The following RNF130 variants were observed in gnomAD, a reference collection of about 807,000 sequenced individuals.
The protein encoded by RNF130 is ring finger protein 130, also known as E3 ubiquitin-protein ligase RNF130.
In RNF130, 21 loss-of-function variants were observed where a neutral mutation model predicts 44.6. That is an observed-to-expected ratio of 0.47 (90% CI 0.33 to 0.68). The LOEUF (loss-of-function observed/expected upper bound fraction) is 0.68, where lower values mean the gene tolerates loss of function less well. Among genes scored for constraint, RNF130 ranks in the 30% least tolerant of loss-of-function variants. RNF130 has a pLI of 0.02. For synonymous variants in RNF130, 214 were observed against 210.4 expected, an observed-to-expected ratio of 1.02 and a Z score of -0.15; for missense variants, 479 against 560.6, an observed-to-expected ratio of 0.85 and a Z score of 1.47.
At chr5:180,041,020 T>C (rs1251109459) in intron 1 of RNF130, among the ~76,000 whole-genome samples, 2 of 152,154 alleles carry the variant, frequency 1.3e-5, no homozygotes, top group Non-Finnish European at 2.9e-5. Context: ...CTCTTACTCA[T>C]TCCTGTTCAT....
At chr5:179,933,897 A>G in intron 7 of RNF130, 1 of 648,902 alleles carries the variant, frequency 1.5e-6, no homozygotes, top group South Asian at 1.5e-5. Context: ...AGTAAAATGA[A>G]TCCAAACTGT....
At chr5:180,034,223 C>T (rs1232626675) in intron 2 of RNF130, among the ~76,000 whole-genome samples, 1 of 150,400 alleles carries the variant, frequency 6.6e-6, no homozygotes, top group African/African-American at 2.4e-5. Context: ...AACCATATAT[C>T]CCATTCCTGG....
chr5:179,999,654 T>C, intron 3 of RNF130, among the ~76,000 whole-genome samples: 1 of 152,116 alleles, frequency 6.6e-6, no homozygotes, highest in East Asian at 1.9e-4. Flanking sequence ...GAGGCGAAGG[T>C]TGCAGTGAGC....
intron 5 of RNF130, among the ~76,000 whole-genome samples, chr5:179,971,281 C>A (rs1762577469): frequency 6.6e-6 from 1 of 152,166 alleles, no homozygotes; most frequent in Admixed American, 6.5e-5. Context: ...GAGTCCTGGC[C>A]AAACAGGGAG....
At chr5:179,933,916 G>T (rs893119043) in intron 7 of RNF130, 3 of 582,842 alleles carry the variant, frequency 5.1e-6, no homozygotes, top group Non-Finnish European at 9.4e-6. Context: ...GTCAGAATGG[G>T]AGCAGACTGT....
At chr5:179,959,994 C>G (rs2113697030) in intron 8 of RNF130, among the ~76,000 whole-genome samples, 1 of 152,272 alleles carries the variant, frequency 6.6e-6, no homozygotes, top group South Asian at 2.1e-4. Flanking sequence ...GATACCTAGT[C>G]ACGCCTCCCA....
chr5:179,917,073 C>T (rs928830918), exon 8 of RNF130: 1 of 152,190 alleles, frequency 6.6e-6, no homozygotes, highest in Non-Finnish European at 1.5e-5. Flanking sequence ...TGCCTGTAGT[C>T]CCAGCTGCTC....
At chr5:179,956,438 TA>T (rs1038992210) in intron 8 of RNF130, 1 of 152,586 alleles carries the variant, frequency 6.6e-6, no homozygotes, top group African/African-American at 2.4e-5. Flanking sequence ...TATTTTTACC[TA>T]ATCTATCTTC....
At chr5:180,024,993 G>C (rs1400376608) in intron 2 of RNF130, among the ~76,000 whole-genome samples, 1 of 152,196 alleles carries the variant, frequency 6.6e-6, no homozygotes, top group African/African-American at 2.4e-5. Flanking sequence ...CCTGGGAGGT[G>C]AAACACTCTG....
intron 2 of RNF130, among the ~76,000 whole-genome samples, chr5:180,026,736 T>C (rs574015010): frequency 1.3e-5 from 2 of 152,352 alleles, no homozygotes; most frequent in South Asian, 4.1e-4. Context: ...AACATAGCCT[T>C]AAATGAAAAG....
At chr5:180,003,222 A>G (rs1420380859) in intron 3 of RNF130, among the ~76,000 whole-genome samples, 1 of 152,076 alleles carries the variant, frequency 6.6e-6, no homozygotes, top group African/African-American at 2.4e-5. Flanking sequence ...AGGCACGAAG[A>G]GGGGGGTTTG....
At chr5:180,040,969 G>A (rs1266702920) in intron 1 of RNF130, among the ~76,000 whole-genome samples, 1 of 152,186 alleles carries the variant, frequency 6.6e-6, no homozygotes, top group African/African-American at 2.4e-5. Context: ...GGCCAACACA[G>A]ACGAGAAACC....
intron 2 of RNF130, among the ~76,000 whole-genome samples, chr5:180,020,323 C>T (rs1038746179): frequency 7.9e-5 from 12 of 152,146 alleles, no homozygotes; most frequent in Non-Finnish European, 1.3e-4. Context: ...CACGTGACTA[C>T]GGAGAGGAAG....
At chr5:180,045,257 C>T (rs1764530644) in intron 1 of RNF130, among the ~76,000 whole-genome samples, 1 of 152,182 alleles carries the variant, frequency 6.6e-6, no homozygotes, top group South Asian at 2.1e-4. Context: ...CTATTCCACA[C>T]CCCACTGTGT....
intron 3 of RNF130, among the ~76,000 whole-genome samples, chr5:180,010,284 T>C (rs1236861752): frequency 7.3e-6 from 1 of 136,420 alleles, no homozygotes; most frequent in African/African-American, 2.8e-5. Context: ...TATCTCAAGG[T>C]AATTATGCTG....
intron 3 of RNF130, among the ~76,000 whole-genome samples, chr5:179,992,906 G>A (rs1481729050): frequency 6.6e-6 from 1 of 152,108 alleles, no homozygotes; most frequent in Non-Finnish European, 1.5e-5. Flanking sequence ...CCCAGTGTGT[G>A]ATGTTCCCCA....
intron 7 of RNF130, among the ~76,000 whole-genome samples, chr5:179,930,048 T>C (rs574351664): frequency 2.0e-4 from 30 of 152,150 alleles, no homozygotes; most frequent in Non-Finnish European, 3.8e-4. Flanking sequence ...AATTTCATTT[T>C]ATTTATTTAT....
intron 6 of RNF130, among the ~76,000 whole-genome samples, chr5:179,967,728 G>A (rs1762483008): frequency 6.6e-6 from 1 of 152,196 alleles, no homozygotes; most frequent in Non-Finnish European, 1.5e-5. Context: ...ACAGCTGGGA[G>A]GGGTGGTTGT....
intron 8 of RNF130, among the ~76,000 whole-genome samples, chr5:179,962,880 G>T (rs1013204834): frequency 6.6e-6 from 1 of 152,072 alleles, no homozygotes; most frequent in South Asian, 2.1e-4. Context: ...TTTTACCGAC[G>T]TGAAGCCTGC....
Sources: gnomAD v4.1 joint callset for allele counts (sites outside exome capture counted in the v4.1 genomes callset) on GRCh38, gnomAD v4.1.1 for gene constraint, MANE v1.5 for transcripts, NCBI Gene and HGNC (gene_info 2026-07-23, HGNC 2026-07-21) for gene names.